The following MTUS2 variants were observed in gnomAD, a reference collection of about 807,000 sequenced individuals.
The protein encoded by MTUS2 is microtubule associated scaffold protein 2.
A neutral mutation model predicts 114.1 loss-of-function variants in MTUS2; 40 were observed. The observed-to-expected ratio is 0.35, with a 90% CI of 0.27 to 0.46. MTUS2 has a LOEUF of 0.46. Among genes scored for constraint, MTUS2 ranks in the 20% least tolerant of loss-of-function variants. The pLI is 1.00. For missense variants in MTUS2, 1,679 were observed against 1,705.4 expected, an observed-to-expected ratio of 0.98 and a Z score of 0.27; for synonymous variants, 688 against 672.0, an observed-to-expected ratio of 1.02 and a Z score of -0.37.
At chr13:29,323,472 G>C (rs1332698124) in intron 6 of MTUS2, among the ~76,000 whole-genome samples, 5 of 152,146 alleles carry the variant, frequency 3.3e-5, no homozygotes, top group Middle Eastern at 3.4e-3. Flanking sequence ...GGATTGTCTC[G>C]ATCTCCTGAC....
intron 5 of MTUS2, among the ~76,000 whole-genome samples, chr13:29,104,519 G>A (rs1189407465): frequency 6.6e-6 from 1 of 152,224 alleles, no homozygotes; most frequent in Non-Finnish European, 1.5e-5. Flanking sequence ...GCTAGAGAGG[G>A]TTCCGCTTTA....
intron 6 of MTUS2, among the ~76,000 whole-genome samples, chr13:29,284,045 A>G (rs1051395411): frequency 2.0e-5 from 3 of 152,244 alleles, no homozygotes; most frequent in African/African-American, 7.2e-5. Context: ...CTTTGACATA[A>G]TAGTCTCACA....
At chr13:29,458,178 G>T (rs908860284) in intron 9 of MTUS2, among the ~76,000 whole-genome samples, 3 of 152,108 alleles carry the variant, frequency 2.0e-5, no homozygotes, top group African/African-American at 7.2e-5. Flanking sequence ...CAGCCCTTGG[G>T]CTGTCTCATG....
chr13:29,348,080 A>G (rs111875539), intron 7 of MTUS2, among the ~76,000 whole-genome samples: 11,518 of 152,052 alleles, frequency 0.076, 1,468 homozygotes, highest in African/African-American at 0.26. Flanking sequence ...ATAAGGCTTC[A>G]TCACATAGAC....
At chr13:29,337,793 G>GGTTT (rs776310877) in intron 7 of MTUS2, among the ~76,000 whole-genome samples, 1 of 132,626 alleles carries the variant, frequency 7.5e-6, no homozygotes, top group Non-Finnish European at 1.6e-5. Flanking sequence ...GTTTGTTTTG[G>GGTTT]TTTTTTTTTT....
chr13:28,959,186 GTTCAGT>G (rs1883207273), intron 2 of MTUS2, among the ~76,000 whole-genome samples: 1 of 152,210 alleles, frequency 6.6e-6, no homozygotes, highest in South Asian at 2.1e-4. Context: ...GAAAGGAGCA[GTTCAGT>G]AAGACAGGAA....
chr13:29,192,413 A>G (rs539415127), intron 5 of MTUS2, among the ~76,000 whole-genome samples: 10 of 152,332 alleles, frequency 6.6e-5, no homozygotes, highest in South Asian at 2.1e-4. Context: ...AAAGAGAAGG[A>G]TAGGGAGAGA....
At chr13:29,328,930 T>C (rs1900643999) in intron 7 of MTUS2, among the ~76,000 whole-genome samples, 1 of 152,138 alleles carries the variant, frequency 6.6e-6, no homozygotes, top group Admixed American at 6.5e-5. Flanking sequence ...CAAGCTACAT[T>C]ATGTAGGGTT....
intron 8 of MTUS2, among the ~76,000 whole-genome samples, chr13:29,374,368 GC>G (rs1871418333): frequency 6.6e-6 from 1 of 152,148 alleles, no homozygotes; most frequent in African/African-American, 2.4e-5. Context: ...AACAGGATAA[GC>G]CCAAGGAAAT....
intron 8 of MTUS2, among the ~76,000 whole-genome samples, chr13:29,429,390 A>G (rs142301171): frequency 1.3e-5 from 2 of 152,346 alleles, no homozygotes; most frequent in East Asian, 3.9e-4. Flanking sequence ...CACACAGTAT[A>G]GTTGTTCTCT....
At chr13:28,944,014 T>G (rs547337756) in intron 2 of MTUS2, among the ~76,000 whole-genome samples, 1 of 152,146 alleles carries the variant, frequency 6.6e-6, no homozygotes, top group African/African-American at 2.4e-5. Context: ...AGTGTATTGG[T>G]GTTAGATTTT....
intron 2 of MTUS2, among the ~76,000 whole-genome samples, chr13:28,851,921 G>C (rs937580023): frequency 5.3e-5 from 8 of 152,126 alleles, no homozygotes; most frequent in Non-Finnish European, 5.9e-5. Flanking sequence ...CCACACAGTA[G>C]CCAGCGTGAG....
chr13:29,191,100 G>A (rs973913566), intron 5 of MTUS2, among the ~76,000 whole-genome samples: 55 of 152,018 alleles, frequency 3.6e-4, no homozygotes, highest in African/African-American at 1.0e-3. Context: ...ATACTTGTCC[G>A]TCTTATTCTC....
At chr13:29,046,039 A>C (rs897211163) in intron 4 of MTUS2, among the ~76,000 whole-genome samples, 1 of 152,110 alleles carries the variant, frequency 6.6e-6, no homozygotes, top group Non-Finnish European at 1.5e-5. Flanking sequence ...CCGTGCTTAC[A>C]AATGACTCTA....
intron 2 of MTUS2, among the ~76,000 whole-genome samples, chr13:28,947,160 C>A (rs1481164788): frequency 6.6e-6 from 1 of 152,194 alleles, no homozygotes; most frequent in Non-Finnish European, 1.5e-5. Context: ...CCGACTGCCT[C>A]AATTTGAGCC....
intron 5 of MTUS2, among the ~76,000 whole-genome samples, chr13:29,264,040 G>A (rs912386036): frequency 1.3e-5 from 2 of 152,318 alleles, no homozygotes; most frequent in African/African-American, 4.8e-5. Context: ...CCACTGATGA[G>A]CCTGTAAAAT....
rs1458801085 is a variant in MTUS2, at chr13:28,910,936, C to T, written c.-243+71086C>T. 2.1e-4 allele frequency among the ~76,000 whole-genome samples: 25 copies of T among 119,630 alleles called. No homozygotes were observed. The Middle Eastern group carries it at 0.025, about 118-fold the overall frequency. 78.5% of individuals were successfully genotyped at this position (119,630 alleles called of 152,430 possible). ...TGTTGTGCAGACTGGAGTACAGTGG[C>T]GTGATCTCGGCTCAGTGCAAGCTCT... On this transcript the variant is annotated intron_variant, in intron 2 of 15. Coordinates refer to ENST00000612955, the MANE Select transcript of MTUS2 (RefSeq NM_001033602.4).
intron 2 of MTUS2, among the ~76,000 whole-genome samples, chr13:28,958,729 T>C (rs1005376021): frequency 2.6e-5 from 4 of 151,682 alleles, no homozygotes; most frequent in Admixed American, 6.6e-5. Flanking sequence ...AATGGAAGAG[T>C]GCGCATCACA....
chr13:29,129,546 CTTA>C (rs1416311833), intron 5 of MTUS2, among the ~76,000 whole-genome samples: 1 of 140,860 alleles, frequency 7.1e-6, no homozygotes, highest in Non-Finnish European at 1.5e-5. Context: ...CATTTTCAAA[CTTA>C]TTTTTACTTT....
Sources: allele counts gnomAD v4.1 joint callset (sites outside exome capture counted in the v4.1 genomes callset), GRCh38; gene constraint gnomAD v4.1.1; transcripts MANE v1.5; gene names NCBI Gene and HGNC (gene_info 2026-07-23, HGNC 2026-07-21).